GPC1: variants seen among roughly 807,000 people sequenced by gnomAD.
GPC1 encodes glypican 1.
GPC1 carries 26 observed loss-of-function variants against 51.5 expected under a neutral mutation model. The ratio of observed to expected loss-of-function variants is 0.50; its 90% CI spans 0.37 to 0.70. GPC1 has a LOEUF of 0.70. GPC1 is among the 30% of genes least tolerant of loss of function. The pLI, the probability that GPC1 is intolerant of heterozygous loss-of-function variation, is 0.00. For missense variants in GPC1, 775 were observed against 800.5 expected (o/e 0.97, Z 0.38); for synonymous variants, 380 against 348.3 (o/e 1.09, Z -1.01).
chr2:240,458,031 T>C (rs2074184370), intron 1 of GPC1: 2 of 470,516 alleles, frequency 4.3e-6, no homozygotes, highest in Middle Eastern at 3.2e-4. Flanking sequence ...GAAGGAACAG[T>C]GTGGCCCCGT....
intron 1 of GPC1, among the ~76,000 whole-genome samples, chr2:240,437,758 C>T (rs958680278): frequency 4.6e-5 from 7 of 152,174 alleles, no homozygotes; most frequent in African/African-American, 1.7e-4. Flanking sequence ...AGTCTTGAAC[C>T]CTGCTCCTTT....
At chr2:240,465,991 T>C (rs1412149570) in intron 8 of GPC1, 67 bp from the exon 9 acceptor site, 1 of 985,734 alleles carries the variant, frequency 1.0e-6, no homozygotes, top group Non-Finnish European at 1.6e-6. Context: ...CACGGGCCCT[T>C]ACAGGGTGGT....
chr2:240,458,933 C>T, intron 1 of GPC1, 97 bp from the exon 2 acceptor site: 5 of 1,180,124 alleles, frequency 4.2e-6, no homozygotes, highest in Non-Finnish European at 6.1e-6. Context: ...TGTGCTCCAC[C>T]CTGGGTCTGC....
chr2:240,455,970 G>A (rs780777429), intron 1 of GPC1: 19 of 420,260 alleles, frequency 4.5e-5, no homozygotes, highest in East Asian at 1.1e-4. Flanking sequence ...GCCTTCGCCC[G>A]CCTTGCGTCC....
intron 1 of GPC1, among the ~76,000 whole-genome samples, chr2:240,437,100 C>T (rs936494859): frequency 6.6e-6 from 1 of 152,230 alleles, no homozygotes; most frequent in Non-Finnish European, 1.5e-5. Context: ...GGTTCCTGCT[C>T]TGGGGGGCTC....
At chr2:240,446,054 G>A (rs554343579) in intron 1 of GPC1, among the ~76,000 whole-genome samples, 1 of 152,354 alleles carries the variant, frequency 6.6e-6, no homozygotes, top group Admixed American at 6.5e-5. Context: ...TTCACCAATG[G>A]GCAACGGGGC....
chr2:240,461,477 G>A (rs574502577), intron 2 of GPC1, among the ~76,000 whole-genome samples: 274 of 152,278 alleles, frequency 1.8e-3, no homozygotes, highest in African/African-American at 6.2e-3. Context: ...ATCTAGGCCC[G>A]GGGTACGGGG....
At chr2:240,456,565 G>A (rs1329754343) in intron 1 of GPC1, 1 of 468,090 alleles carries the variant, frequency 2.1e-6, no homozygotes, top group Admixed American at 2.4e-5. Context: ...CCTCCCCCAG[G>A]CACGTTTCCC....
At chr2:240,443,147 A>T (rs765545558) in intron 1 of GPC1, among the ~76,000 whole-genome samples, 2 of 152,236 alleles carry the variant, frequency 1.3e-5, no homozygotes, top group Non-Finnish European at 2.9e-5. Context: ...CCGTCACAGA[A>T]CTGGGGTGGG....
rs376711929 is a variant in GPC1, at chr2:240,466,233, C to T, written c.1620C>T (p.Phe540=). Residue 540 remains phenylalanine, a synonymous_variant, in exon 9 of 9, where the codon TTC becomes TTT. Coordinates refer to ENST00000264039, the MANE Select transcript of GPC1 (RefSeq NM_002081.3). ...CCAGCTGCCCCCAGCCCCCGACCTT[C>T]CTCCTGCCCCTCCTCCTCTTCCTGG... The part of the protein sequence containing the change: ...SAASCPQPPT[F]LLPLLLFLAL... The T allele has an allele frequency of 1.2e-6, 2 of 1,612,084 alleles. No homozygotes were observed. The highest frequency in any genetic ancestry group is 1.7e-6 in the Non-Finnish European group (2 of 1,178,766).
intron 1 of GPC1, chr2:240,457,463 C>T (rs774210385): frequency 1.1e-5 from 5 of 470,654 alleles, no homozygotes; most frequent in South Asian, 6.2e-5. Context: ...AGGCATTCAA[C>T]CTCTGGGTAG....
At position 240,439,746 on chromosome 2, in the gene GPC1, GC is replaced by G. The variant is rs530317096; in HGVS notation, c.166+3666del. The stretch of plus-strand genomic sequence containing the variant: ...CCTCTCGGAGGCTGCCTGGCACACA[GC>G]CCCTCACCAGACCAGACAGTTCCCT... On this transcript the variant is annotated intron_variant, in intron 1 of 8. Transcript: ENST00000264039. 7.6e-4 allele frequency among the ~76,000 whole-genome samples: 116 copies of G among 152,306 alleles called. No individual in the cohort carries two copies. The Middle Eastern group carries it at 0.01, about 13-fold the overall frequency.
chr2:240,465,691 G>A (rs370155470), intron 8 of GPC1, 43 bp downstream of exon 8: 1 of 1,570,810 alleles, frequency 6.4e-7, no homozygotes, highest in Non-Finnish European at 8.7e-7. Context: ...GCCAGGGTTG[G>A]TGGGGGTGCC....
At chr2:240,442,513 C>A (rs1020250619) in intron 1 of GPC1, 1 of 152,324 alleles carries the variant, frequency 6.6e-6, no homozygotes, top group African/African-American at 2.4e-5. Context: ...GCTGGTAAAT[C>A]CCACCTTGGC....
intron 1 of GPC1, chr2:240,457,340 C>T (rs78483124): frequency 0.025 from 11,071 of 441,776 alleles, 664 homozygotes; most frequent in East Asian, 0.17. Context: ...AGGGGCCAAG[C>T]GGCAGCCGCC....
chr2:240,456,835 G>C, intron 1 of GPC1: 1 of 320,394 alleles, frequency 3.1e-6, no homozygotes, highest in South Asian at 2.5e-5. Context: ...GGTCCCTGGC[G>C]AGTGTACCTG....
intron 1 of GPC1, among the ~76,000 whole-genome samples, chr2:240,447,531 G>A (rs62187175): frequency 0.13 from 19,578 of 152,286 alleles, 1,704 homozygotes; most frequent in Non-Finnish European, 0.19. Context: ...GCGGCCTGCC[G>A]GGCCTCTGGG....
At chr2:240,445,743 C>T (rs748965010) in intron 1 of GPC1, among the ~76,000 whole-genome samples, 7 of 152,164 alleles carry the variant, frequency 4.6e-5, no homozygotes, top group South Asian at 2.1e-4. Context: ...TTACTCGGAA[C>T]GATGGTGTTC....
chr2:240,453,100 C>A (rs748691337), intron 1 of GPC1: 266 of 291,664 alleles, frequency 9.1e-4, no homozygotes, highest in Non-Finnish European at 9.4e-4. Context: ...CATCCGCAGG[C>A]GCGCCACCCC....
Sources: allele counts gnomAD v4.1 joint callset (sites outside exome capture counted in the v4.1 genomes callset), GRCh38; gene constraint gnomAD v4.1.1; transcripts MANE v1.5; gene names NCBI Gene and HGNC (gene_info 2026-07-23, HGNC 2026-07-21).